Variants in ITGA9 observed in about 807,000 individuals in gnomAD.
ITGA9 encodes integrin subunit alpha 9.
In ITGA9, 56 loss-of-function variants were observed where a neutral mutation model predicts 127.8. That is an observed-to-expected ratio of 0.44 (90% CI 0.35 to 0.55). The LOEUF (loss-of-function observed/expected upper bound fraction) is 0.55, where lower values mean the gene tolerates loss of function less well. Among genes scored for constraint, ITGA9 ranks in the 20% least tolerant of loss-of-function variants. The pLI, the probability that ITGA9 is intolerant of heterozygous loss-of-function variation, is 0.00. For synonymous variants in ITGA9, 508 were observed against 514.5 expected, an observed-to-expected ratio of 0.99 and a Z score of 0.17; for missense variants, 1,196 against 1,347.1, an observed-to-expected ratio of 0.89 and a Z score of 1.76.
chr3:37,763,770 C>T (rs1293113506), intron 23 of ITGA9, among the ~76,000 whole-genome samples: 2 of 152,180 alleles, frequency 1.3e-5, no homozygotes, highest in East Asian at 1.9e-4. Flanking sequence ...CAAAAATGAA[C>T]AATGCACATT....
At chr3:37,768,755 C>T (rs746394004) in intron 23 of ITGA9, among the ~76,000 whole-genome samples, 1 of 151,460 alleles carries the variant, frequency 6.6e-6, no homozygotes, top group African/African-American at 2.4e-5. Flanking sequence ...CAAGCCAATT[C>T]AACAAACATA....
At chr3:37,800,718 CT>C (rs1575244067) in intron 26 of ITGA9, among the ~76,000 whole-genome samples, 1 of 152,302 alleles carries the variant, frequency 6.6e-6, no homozygotes, top group African/African-American at 2.4e-5. Flanking sequence ...GAAAATTGCT[CT>C]TTTTAATAAC....
intron 26 of ITGA9, among the ~76,000 whole-genome samples, chr3:37,786,103 C>A (rs1357210782): frequency 6.6e-6 from 1 of 152,184 alleles, no homozygotes; most frequent in Non-Finnish European, 1.5e-5. Flanking sequence ...GCAGCCGATG[C>A]ACTTCTTTTG....
chr3:37,667,150 T>C (rs1700593757), intron 17 of ITGA9, among the ~76,000 whole-genome samples: 1 of 152,184 alleles, frequency 6.6e-6, no homozygotes. Flanking sequence ...AGACTCTCAG[T>C]TGATGAATTT....
intron 15 of ITGA9, among the ~76,000 whole-genome samples, chr3:37,600,395 C>T (rs551880263): frequency 3.3e-5 from 5 of 152,168 alleles, no homozygotes; most frequent in Non-Finnish European, 7.4e-5. Context: ...ACCTGCTGTC[C>T]TATTCCTCTG....
At chr3:37,554,157 C>T (rs1263534401) in intron 15 of ITGA9, among the ~76,000 whole-genome samples, 6 of 151,768 alleles carry the variant, frequency 4.0e-5, no homozygotes, top group Non-Finnish European at 4.4e-5. Flanking sequence ...CATTAGAAGG[C>T]GATGAGGCTA....
chr3:37,547,575 G>A (rs1699338967), intron 15 of ITGA9, among the ~76,000 whole-genome samples: 1 of 151,994 alleles, frequency 6.6e-6, no homozygotes, highest in Non-Finnish European at 1.5e-5. Context: ...TTAAGAAACA[G>A]ATAGTTAAGA....
intron 23 of ITGA9, chr3:37,753,779 A>G (rs1045608955): frequency 1.3e-5 from 2 of 152,194 alleles, no homozygotes; most frequent in African/African-American, 2.4e-5. Flanking sequence ...GGCATGGAGA[A>G]GGCCAAGCTC....
chr3:37,494,414 G>A, intron 4 of ITGA9, 87 bp from the exon 5 acceptor site: 2 of 949,442 alleles, frequency 2.1e-6, no homozygotes, highest in Non-Finnish European at 3.4e-6. Context: ...CTCGTGGGAA[G>A]TGGCTGGCTG....
At chr3:37,522,561 C>CA (rs1405546418) in intron 11 of ITGA9, among the ~76,000 whole-genome samples, 9 of 151,662 alleles carry the variant, frequency 5.9e-5, no homozygotes, top group African/African-American at 2.2e-4. Context: ...CCCCGTCTGA[C>CA]AAAAAAAGTA....
intron 15 of ITGA9, among the ~76,000 whole-genome samples, chr3:37,591,203 C>T (rs2125615211): frequency 6.6e-6 from 1 of 152,250 alleles, no homozygotes; most frequent in Non-Finnish European, 1.5e-5. Flanking sequence ...TCATTTTTTC[C>T]CCACCTCCTT....
chr3:37,704,064 A>G (rs1700976722), intron 18 of ITGA9, among the ~76,000 whole-genome samples: 1 of 152,014 alleles, frequency 6.6e-6, no homozygotes, highest in Non-Finnish European at 1.5e-5. Flanking sequence ...GCTTATTTAC[A>G]TGTCTTTTGG....
chr3:37,561,601 AT>A (rs1312234862), intron 15 of ITGA9, among the ~76,000 whole-genome samples: 5 of 152,238 alleles, frequency 3.3e-5, no homozygotes, highest in Admixed American at 1.3e-4. Flanking sequence ...CTCCATTAGC[AT>A]GGTGATGACG....
chr3:37,621,219 C>T (rs1195352656), intron 15 of ITGA9, among the ~76,000 whole-genome samples: 26 of 152,194 alleles, frequency 1.7e-4, no homozygotes, highest in South Asian at 4.1e-4. Context: ...TTGCCTTCCA[C>T]CATGGTTGTG....
chr3:37,622,347 C>G (rs1368079712), intron 15 of ITGA9, among the ~76,000 whole-genome samples: 1 of 151,876 alleles, frequency 6.6e-6, no homozygotes, highest in Admixed American at 6.6e-5. Context: ...CCTCGGCCTC[C>G]CAAAGTGCTG....
chr3:37,732,644 C>G, intron 18 of ITGA9, 68 bp from the exon 19 acceptor site: 1 of 1,188,380 alleles, frequency 8.4e-7, no homozygotes. Flanking sequence ...TCGATTGCCC[C>G]GTGGAGCCTG....
intron 8 of ITGA9, among the ~76,000 whole-genome samples, chr3:37,513,514 C>T (rs976983055): frequency 2.0e-4 from 30 of 151,792 alleles, no homozygotes; most frequent in African/African-American, 7.3e-4. Context: ...TATACATGTG[C>T]CATATTGATG....
intron 17 of ITGA9, among the ~76,000 whole-genome samples, chr3:37,659,152 G>C (rs1001111614): frequency 6.6e-6 from 1 of 152,056 alleles, no homozygotes; most frequent in African/African-American, 2.4e-5. Context: ...ATGATTATGT[G>C]TCTTGAGGTT....
intron 23 of ITGA9, among the ~76,000 whole-genome samples, chr3:37,760,534 C>G (rs1020054734): frequency 6.6e-6 from 1 of 151,362 alleles, no homozygotes; most frequent in Non-Finnish European, 1.5e-5. Flanking sequence ...GAAAAGAGGG[C>G]AGAAAAAAAA....
Sources: gnomAD v4.1 joint callset for allele counts (sites outside exome capture counted in the v4.1 genomes callset) on GRCh38, gnomAD v4.1.1 for gene constraint, MANE v1.5 for transcripts, NCBI Gene and HGNC (gene_info 2026-07-23, HGNC 2026-07-21) for gene names.